FGA: variants seen among roughly 807,000 people sequenced by gnomAD.
FGA encodes fibrinogen alpha chain.
In FGA, 20 loss-of-function variants were observed where a neutral mutation model predicts 20.3. That is an observed-to-expected ratio of 0.99 (90% CI 0.69 to 1.43). The LOEUF (loss-of-function observed/expected upper bound fraction) is 1.43. Ranked by LOEUF, FGA falls within the 40% of genes most tolerant of loss-of-function variation. FGA has a pLI of 0.00. For synonymous variants in FGA, 306 were observed against 281.6 expected (o/e 1.09, Z -0.87); for missense variants, 777 against 784.7 (o/e 0.99, Z 0.12).
downstream of FGA, chr4:154,584,033 T>C (rs1289861822): frequency 2.9e-6 from 3 of 1,026,284 alleles, no homozygotes; most frequent in Non-Finnish European, 4.6e-6. Flanking sequence ...ATTTTTTAGG[T>C]TGTAGAGAAT....
At chr4:154,583,944 A>G, downstream of FGA, 4 of 618,610 alleles carry the variant, frequency 6.5e-6, no homozygotes, top group Non-Finnish European at 8.6e-6. Flanking sequence ...AAAACCTTAC[A>G]TAACTTTATT....
downstream of FGA, chr4:154,584,581 T>C (rs766941271): frequency 1.9e-6 from 3 of 1,614,176 alleles, no homozygotes; most frequent in Admixed American, 1.7e-5. Flanking sequence ...GGTTAGTAAG[T>C]GGAGGTAGTC....
downstream of FGA, chr4:154,584,155 CGAA>C (rs766579633): frequency 1.3e-6 from 2 of 1,522,590 alleles, no homozygotes; most frequent in Non-Finnish European, 1.8e-6. Context: ...AATTTTCATG[CGAA>C]CAGCCCTGAG....
chr4:154,584,251 C>A, downstream of FGA: 2 of 1,613,918 alleles, frequency 1.2e-6, no homozygotes, highest in Non-Finnish European at 1.7e-6. Context: ...GTCATAGGAG[C>A]CCCCAGGGTA....
chr4:154,585,547 G>A lies in FGA; in HGVS notation c.1882C>T (p.Pro628Ser). 6.2e-7 allele frequency: 1 copy of A among 1,614,016 alleles called. No homozygotes were observed. The highest frequency in any genetic ancestry group is 1.7e-5 in the Admixed American group (1 of 60,018). Residue 628 changes from proline to serine, a missense_variant, in exon 5 of 5, where the codon CCT (proline) becomes TCT (serine). By Grantham distance (74) the Pro-to-Ser change is moderately conservative. Transcript: ENST00000403106. ...GGAGAAGTGTGGATACCTCTGACAG[G>A]GCGAGATTTAGCATGGCCTCTCTTG... is the stretch of plus-strand genomic sequence containing the variant. ...STKRGHAKSR[P>S]VRGIHTSPLG...
downstream of FGA, chr4:154,584,957 C>T: frequency 1.2e-6 from 1 of 844,542 alleles, no homozygotes; most frequent in Non-Finnish European, 1.9e-6. Context: ...TCCTCCTTTC[C>T]TTCCCTCCAT....
chr4:154,584,498 G>A (rs201769249), downstream of FGA: 20 of 1,614,108 alleles, frequency 1.2e-5, no homozygotes, highest in East Asian at 4.5e-5. Flanking sequence ...GAGCCTACCC[G>A]GAAGTGATAT....
At chr4:154,584,341 C>T (rs1222383156), downstream of FGA, 1 of 1,614,094 alleles carries the variant, frequency 6.2e-7, no homozygotes, top group Admixed American at 1.7e-5. Flanking sequence ...GTTCTCTTCC[C>T]ACTGGTCTGC....
downstream of FGA, chr4:154,585,232 G>A (rs1420376558): frequency 3.0e-6 from 4 of 1,329,700 alleles, no homozygotes; most frequent in Non-Finnish European, 3.9e-6. Context: ...TTTGAATAGT[G>A]AAAGAATTTG....
downstream of FGA, chr4:154,584,595 G>T: frequency 1.2e-6 from 2 of 1,614,140 alleles, no homozygotes; most frequent in East Asian, 4.5e-5. Context: ...GGTAGTCATT[G>T]CCTAGCCAGA....
chr4:154,587,587 G>T lies in FGA; in HGVS notation c.435C>A (p.Val145=), dbSNP rs762480524. ...GCTGGATATGCTGTACTTTTTCTAT[G>T]ACTTTGCGCTTCAGGACTTCAATTC... The part of the protein sequence containing the change: ...RSRIEVLKRK[V]IEKVQHIQLL... Residue 145 remains valine (V), a synonymous_variant, in exon 4 of 5, where the codon GTC becomes GTA. Transcript: ENST00000403106. 1.7e-5 allele frequency: 27 copies of T among 1,613,562 alleles called. No homozygotes were observed. Among genetic ancestry groups the T allele is most frequent in the Non-Finnish European group, 2.2e-5 (26 of 1,179,804 alleles).
rs763974301 is a variant in FGA at position 154,586,617 on chromosome 4, C to T, written c.812G>A (p.Arg271Gln). Reference protein sequence around the residue: ...LERPGGNEITRGGSTSYGTGS... With the variant: ...LERPGGNEITQGGSTSYGTGS... ...GGTTCCATAAGAGGTGGAGCCTCCT[C>T]GAGTAATCTCATTTCCACCAGGTCT... The change falls in exon 5 of 5, where the codon CGA (arginine) becomes CAA (glutamine). Residue 271 changes from arginine to glutamine, a missense_variant. Coordinates refer to ENST00000403106, the MANE Select transcript of FGA (RefSeq NM_021871.4). The T allele has an allele frequency of 5.6e-6, 9 of 1,613,870 alleles. No individual in the cohort carries two copies. In the African/African-American group the frequency reaches 6.7e-5, roughly 12 times the overall value.
intron 1 of FGA, 143 bp downstream of exon 1, chr4:154,590,491 C>A: frequency 1.4e-6 from 1 of 732,692 alleles, no homozygotes; most frequent in South Asian, 1.5e-5. Flanking sequence ...GGTGTCAAGC[C>A]CACCCAGGAA....
downstream of FGA, chr4:154,584,105 C>CCATTCCCACTTCGAAGACAGAGTGCTCT: frequency 6.3e-7 from 1 of 1,580,500 alleles, no homozygotes; most frequent in Non-Finnish European, 8.7e-7. Context: ...CAGAGTGCTC[C>CCATTCCCACTTCGAAGACAGAGTGCTCT]CATTCCCACT....
At chr4:154,583,798 G>A (rs181501020), downstream of FGA, 21 of 279,980 alleles carry the variant, frequency 7.5e-5, no homozygotes, top group East Asian at 1.7e-3. Context: ...GGTGGTATGG[G>A]AAGAGAAGTT....
downstream of FGA, chr4:154,584,268 T>C: frequency 6.2e-7 from 1 of 1,614,088 alleles, no homozygotes; most frequent in East Asian, 2.2e-5. Context: ...GGTAGTAGAT[T>C]CCATTGAGAT....
downstream of FGA, chr4:154,583,863 T>C: frequency 2.2e-6 from 1 of 451,372 alleles, no homozygotes. Flanking sequence ...GCCACTTTCC[T>C]GATGTACTGA....
At chr4:154,584,021 G>A (rs1730645049), downstream of FGA, 7 of 904,166 alleles carry the variant, frequency 7.7e-6, no homozygotes, top group Admixed American at 1.2e-4. Context: ...TAGCACCTAG[G>A]AATTTTTTAG....
At chr4:154,587,743 A>G (rs1225801111) in intron 3 of FGA, 86 bp from the exon 4 acceptor site, 9 of 683,570 alleles carry the variant, frequency 1.3e-5, no homozygotes, top group African/African-American at 7.6e-5. Context: ...AAAGGAAGGA[A>G]GGAGAAAGAA....
Sources: gnomAD v4.1 joint callset for allele counts on GRCh38, gnomAD v4.1.1 for gene constraint, MANE v1.5 for transcripts, NCBI Gene and HGNC (gene_info 2026-07-23, HGNC 2026-07-21) for gene names.